Variants in IDO2 observed in about 807,000 individuals in gnomAD.
IDO2 encodes the protein indoleamine 2,3-dioxygenase-like 1 protein.
Under a neutral mutation model 45.1 loss-of-function variants are expected in IDO2, and 46 were observed. That is an observed-to-expected ratio of 1.02 (90% confidence interval 0.80 to 1.30). The LOEUF (loss-of-function observed/expected upper bound fraction) is 1.30. IDO2 is among the 50% of genes most tolerant of loss of function. IDO2 has a pLI of 0.00. For synonymous variants in IDO2, 218 were observed against 184.9 expected (o/e 1.18, Z -1.45); for missense variants, 544 against 491.8 (o/e 1.11, Z -1.00).
chr8:39,990,187 T>C (rs1410827484), intron 8 of IDO2, among the ~76,000 whole-genome samples: 1 of 152,156 alleles, frequency 6.6e-6, no homozygotes, highest in Non-Finnish European at 1.5e-5. Context: ...CAGTGTTAGG[T>C]ACTGCAGAGC....
chr8:40,015,812 C>T, exon 11 of IDO2: 1 of 548,702 alleles, frequency 1.8e-6, no homozygotes, highest in East Asian at 2.9e-5. Flanking sequence ...CCTACCTGAT[C>T]ACTGCTTAAC....
intron 2 of IDO2, among the ~76,000 whole-genome samples, chr8:39,953,423 A>G (rs1807840918): frequency 6.6e-6 from 1 of 152,206 alleles, no homozygotes; most frequent in East Asian, 1.9e-4. Flanking sequence ...AAATATGATT[A>G]TTATAAATGT....
chr8:40,015,828 G>A (rs1802379815), exon 11 of IDO2: 2 of 506,856 alleles, frequency 3.9e-6, no homozygotes, highest in Admixed American at 3.5e-5. Flanking sequence ...TTAACGGCAT[G>A]TATAATGGAT....
At position 40,002,961 on chromosome 8, in the gene IDO2, T is replaced by C. The variant is rs184990849; in HGVS notation, c.668-2366T>C. Among the ~76,000 whole-genome samples the C allele has an allele frequency of 2.6e-5, 4 of 152,268 alleles. 1 individual carries two copies. Among genetic ancestry groups the C allele is most frequent in the Admixed American group, 2.6e-4 (4 of 15,280 alleles). ...AGCATAAAATAATAACTAAAATTCC[T>C]GGGTAAACCACCTCAAATCATTTCT... On this transcript the variant is annotated intron_variant, in intron 8 of 10. Coordinates refer to ENST00000502986, the Ensembl canonical transcript of IDO2.
chr8:39,955,052 C>T (rs1232884277), intron 2 of IDO2, among the ~76,000 whole-genome samples: 1 of 151,064 alleles, frequency 6.6e-6, no homozygotes, highest in Non-Finnish European at 1.5e-5. Context: ...AATGTACCTC[C>T]TTCAAGGGCC....
chr8:39,961,241 C>T (rs1807992507), intron 2 of IDO2, among the ~76,000 whole-genome samples: 4 of 151,794 alleles, frequency 2.6e-5, no homozygotes, highest in East Asian at 1.9e-4. Context: ...CATATTCCCT[C>T]ACATGGCTTT....
In IDO2 at chr8:39,995,230, TCTCCTTCTC is replaced by T. The variant is rs1380327291; in HGVS notation, c.667+5395_667+5403del. The T allele has an allele frequency of 1.4e-4, 12 of 85,952 alleles. No individual in the cohort carries two copies. The East Asian group carries it at 1.5e-3, about 11-fold the overall frequency. The allele number at this position is 85,952 out of a possible 1,614,324, so 5.3% of individuals were successfully genotyped here. ...TTCTCCTTCTCCTTCTCCTTCTCCTTCTCCTTCTCCTTCTCCTTCTCCTTCTTCTTCTTC... is the reference window on the plus strand; with the variant it reads ...TTCTCCTTCTCCTTCTCCTTCTCCTTCTTCTCCTTCTCCTTCTTCTTCTTC... On this transcript the variant is annotated intron_variant, in intron 8 of 10. Coordinates refer to ENST00000502986, the Ensembl canonical transcript of IDO2.
exon 11 of IDO2, chr8:40,016,322 A>G (rs779043201): frequency 2.0e-5 from 8 of 396,838 alleles, no homozygotes; most frequent in Non-Finnish European, 3.6e-5. Flanking sequence ...TATATAAGTA[A>G]ATAAGAAAAC....
Position 40,014,898 on chromosome 8 carries a change from C to G in IDO2, c.869-349C>G, listed in dbSNP as rs970898899. 2.2e-4 allele frequency among the ~76,000 whole-genome samples: 34 copies of G among 152,126 alleles called. 1 individual carries two copies. The highest frequency in any genetic ancestry group is 8.0e-4 in the African/African-American group (33 of 41,424). ...GCACCGTGGGTCATGCCTGTAATCC[C>G]AAAATTTTGGAAGTCTGAGGCAGGT... On this transcript the variant is annotated intron_variant, in intron 10 of 10. Transcript: ENST00000502986.
intron 1 of IDO2, among the ~76,000 whole-genome samples, chr8:39,939,730 A>T (rs1032751136): frequency 5.9e-5 from 9 of 151,410 alleles, no homozygotes; most frequent in Non-Finnish European, 1.3e-4. Flanking sequence ...GCAATGCCAG[A>T]TGCCTGAAAA....
At chr8:39,963,561 T>C in intron 2 of IDO2, 47 bp from the exon 3 acceptor site, 2 of 1,176,738 alleles carry the variant, frequency 1.7e-6, no homozygotes, top group Non-Finnish European at 2.5e-6. Context: ...CGGAAGCCCC[T>C]TTCCAGAGAG....
intron 3 of IDO2, among the ~76,000 whole-genome samples, chr8:39,965,897 GGACTTCTAT>G (rs3078687): frequency 0.79 from 119,425 of 151,312 alleles, 48,289 homozygotes; most frequent in Non-Finnish European, 0.87. Context: ...CCTTAATTTG[GGACTTCTAT>G]GACTTCTATC....
intron 5 of IDO2, 94 bp from the exon 6 acceptor site, chr8:39,985,414 C>T: frequency 1.8e-6 from 2 of 1,087,546 alleles, no homozygotes; most frequent in Non-Finnish European, 2.7e-6. Context: ...GGACATGTGA[C>T]CCTAGAAGTT....
chr8:39,987,659 G>C (rs894161224), intron 6 of IDO2: 4 of 510,674 alleles, frequency 7.8e-6, no homozygotes, highest in African/African-American at 7.6e-5. Flanking sequence ...GAGGCTGCCT[G>C]TCAGGTGAAC....
At chr8:39,969,380 C>A (rs1017480964) in intron 3 of IDO2, among the ~76,000 whole-genome samples, 1 of 152,106 alleles carries the variant, frequency 6.6e-6, no homozygotes, top group African/African-American at 2.4e-5. Flanking sequence ...ATAAACTGTG[C>A]CCCTATAAGT....
intron 1 of IDO2, among the ~76,000 whole-genome samples, chr8:39,945,544 G>T (rs1807716142): frequency 6.6e-6 from 1 of 152,334 alleles, no homozygotes; most frequent in Admixed American, 6.5e-5. Context: ...TCAGGTGCTT[G>T]TTTGATACCA....
intron 8 of IDO2, among the ~76,000 whole-genome samples, chr8:39,993,243 T>C (rs1801973859): frequency 6.6e-6 from 1 of 152,150 alleles, no homozygotes; most frequent in Non-Finnish European, 1.5e-5. Flanking sequence ...TTTTTCTTCT[T>C]TTTTTGGCAT....
chr8:39,985,698 C>T (rs1808412298), intron 6 of IDO2, 176 bp downstream of exon 6: 2 of 609,726 alleles, frequency 3.3e-6, no homozygotes. Flanking sequence ...TAAAATTTAA[C>T]AGTGATTGCC....
chr8:39,990,383 A>C (rs1808482309), intron 8 of IDO2, among the ~76,000 whole-genome samples: 1 of 152,200 alleles, frequency 6.6e-6, no homozygotes, highest in South Asian at 2.1e-4. Context: ...GTGTTGAATA[A>C]AAATTTTTAA....
Sources: allele counts gnomAD v4.1 joint callset (sites outside exome capture counted in the v4.1 genomes callset), GRCh38; gene constraint gnomAD v4.1.1; transcripts MANE v1.5; gene names NCBI Gene and HGNC (gene_info 2026-07-23, HGNC 2026-07-21).